The following TG variants were observed in gnomAD, a reference collection of about 807,000 sequenced individuals.
The protein encoded by TG is thyroid hormones.
TG carries 270 observed loss-of-function variants against 324.7 expected under a neutral mutation model. The observed-to-expected ratio is 0.83, with a 90% CI of 0.75 to 0.92. TG has a LOEUF of 0.92. Ranked by LOEUF, TG falls within the 40% of genes least tolerant of loss-of-function variation. The pLI is 0.00. For missense variants in TG, 3,591 were observed against 3,456.4 expected, an observed-to-expected ratio of 1.04 and a Z score of -0.98; for synonymous variants, 1,401 against 1,327.0, an observed-to-expected ratio of 1.06 and a Z score of -1.21.
intron 45 of TG, among the ~76,000 whole-genome samples, chr8:133,121,031 G>C (rs999096450): frequency 6.6e-6 from 1 of 152,122 alleles, no homozygotes; most frequent in African/African-American, 2.4e-5. Flanking sequence ...CGGCAACCCA[G>C]GGAACCTCCC....
chr8:133,066,368 CAAAAG>C (rs1269231605), intron 41 of TG, among the ~76,000 whole-genome samples: 4 of 136,242 alleles, frequency 2.9e-5, no homozygotes, highest in African/African-American at 5.4e-5. Context: ...TGGAACAAAA[CAAAAG>C]AAAAGAAACA....
At chr8:132,943,857 C>G (rs1010640874) in intron 26 of TG, among the ~76,000 whole-genome samples, 1 of 152,186 alleles carries the variant, frequency 6.6e-6, no homozygotes, top group Non-Finnish European at 1.5e-5. Context: ...CTTCTCCTCT[C>G]CTGACCTCCA....
In TG at chr8:132,888,030, G is replaced by A. The variant is rs779145179; in HGVS notation, c.2223G>A (p.Thr741=). The change falls in exon 10 of 48, where the codon ACG becomes ACA. Residue 741 remains threonine (T), a synonymous_variant. Transcript: ENST00000220616. ...QLQSEQAFLR[T]VQALLSNSSM... is the part of the protein sequence containing the mutation. ...AGTCTGAGCAAGCTTTCCTCAGGAC[G>A]GTGCAGGCCCTGCTCTCTAACTCCA... The A allele has an allele frequency of 1.7e-5, 28 of 1,613,976 alleles. No individual in the cohort carries two copies. The highest frequency in any genetic ancestry group is 2.3e-5 in the Non-Finnish European group (27 of 1,180,032).
At position 132,991,301 on chromosome 8, in the gene TG, C is replaced by T. The variant is rs144649303; in HGVS notation, c.6262+7889C>T. 3.9e-3 allele frequency among the ~76,000 whole-genome samples: 592 copies of T among 152,070 alleles called. 5 individuals are homozygous for T. Among genetic ancestry groups the T allele is most frequent in the African/African-American group, 0.013 (530 of 41,462 alleles). Reference sequence around the variant, plus strand: ...ATAATCCAGACTGGGACGTGTCTGACGGTGGAATGCATGCCTTTAAACGCT... The same window carrying T: ...ATAATCCAGACTGGGACGTGTCTGATGGTGGAATGCATGCCTTTAAACGCT... On this transcript the variant is annotated intron_variant, in intron 35 of 47. Coordinates refer to ENST00000220616, the MANE Select transcript of TG (RefSeq NM_003235.5).
intron 23 of TG, among the ~76,000 whole-genome samples, chr8:132,929,519 G>T (rs1157734288): frequency 2.6e-5 from 4 of 152,130 alleles, no homozygotes; most frequent in African/African-American, 9.7e-5. Context: ...GGTAATAAAG[G>T]CTGCCATTTA....
At chr8:133,003,050 C>T in intron 35 of TG, 2 of 1,067,538 alleles carry the variant, frequency 1.9e-6, no homozygotes, top group Non-Finnish European at 2.3e-6. Flanking sequence ...CCAGGTACCT[C>T]TCCTCTTTCC....
chr8:133,021,891 A>T lies in TG; in HGVS notation c.6877-100A>T, dbSNP rs1835599348. 4 of 1,445,404 alleles carry T rather than the reference A, an allele frequency of 2.8e-6. No individual in the cohort carries two copies. The African/African-American group carries it at 4.2e-5, about 15-fold the overall frequency. 89.5% of individuals were successfully genotyped at this position (1,445,404 alleles called of 1,614,324 possible). On this transcript the variant is annotated intron_variant, in intron 39 of 47. Transcript: ENST00000220616. ...CTGCATGGGGCTAAGTATGCCACAG[A>T]GCTGGCCAGAGGAGTCCTGTGTCAA...
chr8:133,058,024 C>T (rs1366664108), intron 41 of TG, among the ~76,000 whole-genome samples: 2 of 152,140 alleles, frequency 1.3e-5, no homozygotes, highest in Non-Finnish European at 2.9e-5. Context: ...GCAAGACCTG[C>T]ACCGTCTCCT....
At chr8:132,939,191 C>T (rs879714945) in intron 25 of TG, among the ~76,000 whole-genome samples, 5 of 152,056 alleles carry the variant, frequency 3.3e-5, no homozygotes, top group South Asian at 2.1e-4. Flanking sequence ...GTGATGGAAA[C>T]GGTCTACAAA....
chr8:133,029,698 G>A, intron 40 of TG, 123 bp from the exon 41 acceptor site: 2 of 1,181,494 alleles, frequency 1.7e-6, no homozygotes, highest in Admixed American at 1.9e-5. Flanking sequence ...GTCTCTACCT[G>A]TGAGGACAAG....
intron 45 of TG, among the ~76,000 whole-genome samples, chr8:133,124,740 A>G (rs771927179): frequency 4.6e-5 from 7 of 152,250 alleles, no homozygotes; most frequent in Non-Finnish European, 8.8e-5. Context: ...AAGAGGCAAT[A>G]ATGTTCCTCC....
intron 41 of TG, chr8:133,037,611 C>T (rs1295832320): frequency 1.3e-5 from 2 of 151,594 alleles, no homozygotes; most frequent in Admixed American, 6.6e-5. Context: ...CTGTGAACAC[C>T]TCTGTTGGGG....
chr8:133,094,174 C>A (rs1848040116), intron 41 of TG, among the ~76,000 whole-genome samples: 1 of 151,896 alleles, frequency 6.6e-6, no homozygotes, highest in Non-Finnish European at 1.5e-5. Context: ...AAAGTCCGGG[C>A]AGAGATGAAC....
intron 41 of TG, among the ~76,000 whole-genome samples, chr8:133,092,243 C>T (rs1211765868): frequency 6.6e-6 from 1 of 152,232 alleles, no homozygotes; most frequent in African/African-American, 2.4e-5. Context: ...GGCGCAGGCC[C>T]TGACTCCGAA....
intron 34 of TG, among the ~76,000 whole-genome samples, chr8:132,975,453 G>T: frequency 6.6e-6 from 1 of 152,162 alleles, no homozygotes; most frequent in Non-Finnish European, 1.5e-5. Flanking sequence ...TCATCTGACT[G>T]CATAGATCAT....
intron 4 of TG, among the ~76,000 whole-genome samples, chr8:132,872,338 C>T (rs957616553): frequency 2.6e-5 from 4 of 151,680 alleles, no homozygotes; most frequent in Non-Finnish European, 1.5e-5. Flanking sequence ...ATTAGCCGGG[C>T]GTGGTGGCGG....
chr8:132,964,783 T>C (rs1828302842), intron 29 of TG: 2 of 638,774 alleles, frequency 3.1e-6, no homozygotes, highest in Non-Finnish European at 5.6e-6. Flanking sequence ...GAGAATTCCA[T>C]GTGCCAGCCA....
In TG at chr8:132,973,894, C is replaced by T. The variant is rs559952625; in HGVS notation, c.6199+1153C>T. ...AGAGTAAATATATGGGGAATTCTGGCTCTTACTTAGCACTTGCCCTAGAAA... is the reference window on the plus strand; with the variant it reads ...AGAGTAAATATATGGGGAATTCTGGTTCTTACTTAGCACTTGCCCTAGAAA... On this transcript the variant is annotated intron_variant, in intron 34 of 47. Coordinates refer to ENST00000220616, the MANE Select transcript of TG (RefSeq NM_003235.5). Among the ~76,000 whole-genome samples, 15 of 151,752 alleles carry T rather than the reference C, an allele frequency of 9.9e-5. No homozygotes were observed. In the South Asian group the frequency reaches 2.9e-3, roughly 29 times the overall value.
In TG at chr8:133,113,444, G is replaced by T. The variant is rs755300748; in HGVS notation, c.7595G>T (p.Arg2532Leu). ...AVKQFEESRG[R>L]TSSKTAFYQA... ...TAGCAATTTGAGGAAAGTCGAGGCC[G>T]GACCAGTAGCAAAACAGCCTTTTAC... Residue 2532 changes from arginine (R) to leucine (L), a missense_variant, in exon 44 of 48, where the codon CGG becomes CTG. Coordinates refer to ENST00000220616, the MANE Select transcript of TG (RefSeq NM_003235.5). The T allele has an allele frequency of 1.2e-6, 2 of 1,613,816 alleles. No individual in the cohort carries two copies. Among genetic ancestry groups the T allele is most frequent in the Admixed American group, 3.3e-5 (2 of 59,992 alleles).
Sources: gnomAD v4.1 joint callset for allele counts (sites outside exome capture counted in the v4.1 genomes callset) on GRCh38, gnomAD v4.1.1 for gene constraint, MANE v1.5 for transcripts, NCBI Gene and HGNC (gene_info 2026-07-23, HGNC 2026-07-21) for gene names.